Variants in PRELID2 observed in about 807,000 individuals in gnomAD.
PRELID2 encodes the protein PRELI domain-containing protein 2.
PRELID2 carries 25 observed loss-of-function variants against 28.4 expected under a neutral mutation model. That is an observed-to-expected ratio of 0.88 (90% CI 0.64 to 1.23). The LOEUF (loss-of-function observed/expected upper bound fraction) is 1.23, where lower values mean the gene tolerates loss of function less well. PRELID2 is among the 50% of genes most tolerant of loss of function. The pLI is 0.00. For synonymous variants in PRELID2, 76 were observed against 71.6 expected (o/e 1.06, Z -0.31); for missense variants, 201 against 214.4 (o/e 0.94, Z 0.39).
At chr5:145,679,109 T>G (rs893738785) in intron 1 of PRELID2, among the ~76,000 whole-genome samples, 1 of 152,212 alleles carries the variant, frequency 6.6e-6, no homozygotes, top group African/African-American at 2.4e-5. Context: ...TGGACTTCAG[T>G]CTACTCTGCT....
chr5:145,423,346 C>T, the PRELID2 span, among the ~76,000 whole-genome samples: 5 of 151,496 alleles, frequency 3.3e-5, no homozygotes, highest in Non-Finnish European at 7.4e-5. Flanking sequence ...AACTTGGTTC[C>T]ATTCTCCCCA....
chr5:145,347,523 T>C, the PRELID2 span, among the ~76,000 whole-genome samples: 3 of 152,152 alleles, frequency 2.0e-5, no homozygotes, highest in Non-Finnish European at 4.4e-5. Flanking sequence ...TCACTGTAGC[T>C]CACAAAGATT....
chr5:145,558,745 T>C (rs1163457512), intron 1 of PRELID2, among the ~76,000 whole-genome samples: 2 of 152,204 alleles, frequency 1.3e-5, no homozygotes, highest in African/African-American at 2.4e-5. Flanking sequence ...GACTCACCAG[T>C]GACATTGCAG....
At chr5:145,536,131 C>T (rs1561501760) in intron 1 of PRELID2, among the ~76,000 whole-genome samples, 2 of 151,868 alleles carry the variant, frequency 1.3e-5, no homozygotes, top group African/African-American at 4.8e-5. Context: ...TAAAAAAGAC[C>T]TGTGGTTCTC....
At chr5:145,374,477 G>A in the PRELID2 span, among the ~76,000 whole-genome samples, 2 of 152,004 alleles carry the variant, frequency 1.3e-5, no homozygotes, top group Non-Finnish European at 2.9e-5. Flanking sequence ...ATCTTCTCAT[G>A]GAGTATCTTA....
intron 5 of PRELID2, among the ~76,000 whole-genome samples, chr5:145,781,734 A>C (rs1751637637): frequency 6.8e-6 from 1 of 146,188 alleles, no homozygotes; most frequent in Non-Finnish European, 1.5e-5. Context: ...TATATATACT[A>C]TATATATACT....
chr5:145,619,131 C>T (rs1044425381), intron 1 of PRELID2, among the ~76,000 whole-genome samples: 14 of 152,178 alleles, frequency 9.2e-5, no homozygotes, highest in Non-Finnish European at 1.6e-4. Context: ...AAGAAAAAGG[C>T]CTTAGTTCTT....
chr5:145,387,836 G>A, the PRELID2 span, among the ~76,000 whole-genome samples: 4 of 151,882 alleles, frequency 2.6e-5, no homozygotes, highest in African/African-American at 7.3e-5. Context: ...GGAGGCTGAG[G>A]TGGGAGGATT....
chr5:145,358,326 T>G, the PRELID2 span, among the ~76,000 whole-genome samples: 1 of 151,990 alleles, frequency 6.6e-6, no homozygotes, highest in African/African-American at 2.4e-5. Context: ...CAGAAAGCTG[T>G]GCCCCTCAGC....
Position 145,547,761 on chromosome 5 carries a change from T to A in PRELID2, n.71-74446A>T, listed in dbSNP as rs988441546. ...CAGTCTTTTCCCTTTGGTGTCTCAA[T>A]GTTGGTTTGGCTTTATCATTGCTTA... On this transcript the variant is annotated intron_variant and non_coding_transcript_variant, in intron 1 of 2. Coordinates refer to the PRELID2 transcript ENST00000510259. Among the ~76,000 whole-genome samples, 10 of 152,320 alleles carry A rather than the reference T, an allele frequency of 6.6e-5. No homozygotes were observed. In the South Asian group the frequency reaches 1.9e-3, roughly 28 times the overall value.
chr5:145,376,769 A>G, the PRELID2 span, among the ~76,000 whole-genome samples: 7 of 151,618 alleles, frequency 4.6e-5, no homozygotes, highest in African/African-American at 1.7e-4. Context: ...GTTTATTTGA[A>G]TCTTCTCTTT....
the PRELID2 span, among the ~76,000 whole-genome samples, chr5:145,231,160 A>G: frequency 6.6e-6 from 1 of 152,100 alleles, no homozygotes; most frequent in African/African-American, 2.4e-5. Flanking sequence ...GGCTTTTGCT[A>G]TATTCTGCAA....
chr5:145,336,143 G>C, the PRELID2 span, among the ~76,000 whole-genome samples: 1 of 152,094 alleles, frequency 6.6e-6, no homozygotes, highest in African/African-American at 2.4e-5. Context: ...TTGTAAATTT[G>C]TTTGAGTTCA....
the PRELID2 span, among the ~76,000 whole-genome samples, chr5:145,445,094 G>C: frequency 6.6e-6 from 1 of 151,922 alleles, no homozygotes; most frequent in Non-Finnish European, 1.5e-5. Context: ...GCAAAAAGAA[G>C]AAAGCCAGAG....
intron 4 of PRELID2, among the ~76,000 whole-genome samples, chr5:145,809,000 T>C (rs1475212220): frequency 2.0e-5 from 3 of 151,554 alleles, no homozygotes; most frequent in Non-Finnish European, 4.4e-5. Flanking sequence ...ATTCAAATTA[T>C]TAACACACAC....
chr5:145,686,310 G>A (rs1022224679), intron 1 of PRELID2, among the ~76,000 whole-genome samples: 4 of 151,978 alleles, frequency 2.6e-5, no homozygotes, highest in Admixed American at 2.0e-4. Context: ...GGCTTATAAG[G>A]GGGATTTTCA....
At chr5:145,508,298 T>TAGATAGATTA (rs1561496164) in intron 1 of PRELID2, among the ~76,000 whole-genome samples, 2 of 95,002 alleles carry the variant, frequency 2.1e-5, no homozygotes, top group East Asian at 5.0e-4. Context: ...ATAGATAGAT[T>TAGATAGATTA]AAAAAATGTA....
At chr5:145,699,034 C>T (rs781589446) in intron 1 of PRELID2, among the ~76,000 whole-genome samples, 8 of 152,130 alleles carry the variant, frequency 5.3e-5, no homozygotes, top group Admixed American at 2.0e-4. Flanking sequence ...GCCAGCCTCA[C>T]CTCTTTATAC....
At chr5:145,652,496 G>A (rs1002278215) in intron 1 of PRELID2, among the ~76,000 whole-genome samples, 16 of 152,238 alleles carry the variant, frequency 1.1e-4, no homozygotes, top group Non-Finnish European at 4.4e-5. Flanking sequence ...AGGGCAGCCA[G>A]AGAGAAAGGT....
Sources: gnomAD v4.1 joint callset for allele counts (sites outside exome capture counted in the v4.1 genomes callset) on GRCh38, gnomAD v4.1.1 for gene constraint, MANE v1.5 for transcripts, NCBI Gene and HGNC (gene_info 2026-07-23, HGNC 2026-07-21) for gene names.